Variants in INVS observed in about 807,000 individuals in gnomAD.
INVS encodes the protein inversion of embryo turning homolog.
In INVS, 86 loss-of-function variants were observed where a neutral mutation model predicts 108.8. The ratio of observed to expected loss-of-function variants is 0.79; its 90% CI spans 0.66 to 0.95. The LOEUF (loss-of-function observed/expected upper bound fraction) is 0.95. Among genes scored for constraint, INVS ranks in the 40% least tolerant of loss-of-function variants. The pLI is 0.00. For missense variants in INVS, 1,169 were observed against 1,297.4 expected (o/e 0.90, Z 1.52); for synonymous variants, 455 against 473.5 (o/e 0.96, Z 0.51).
intron 12 of INVS, among the ~76,000 whole-genome samples, chr9:100,274,359 A>G (rs1833053541): frequency 6.6e-6 from 1 of 152,134 alleles, no homozygotes; most frequent in Non-Finnish European, 1.5e-5. Context: ...CTCTGTCTAA[A>G]AAAAGAAAAA....
chr9:100,191,480 T>C (rs983873813), intron 3 of INVS, among the ~76,000 whole-genome samples: 2 of 152,234 alleles, frequency 1.3e-5, no homozygotes, highest in Non-Finnish European at 2.9e-5. Context: ...GTTAAAACTT[T>C]CCTGTGCATT....
intron 13 of INVS, among the ~76,000 whole-genome samples, chr9:100,286,188 T>C (rs1213056897): frequency 1.3e-5 from 2 of 152,208 alleles, no homozygotes; most frequent in Non-Finnish European, 2.9e-5. Context: ...TAACTCATCA[T>C]AGGTTTTCAG....
chr9:100,104,254 A>C (rs1827099887), intron 1 of INVS, among the ~76,000 whole-genome samples: 1 of 151,778 alleles, frequency 6.6e-6, no homozygotes, highest in Non-Finnish European at 1.5e-5. Context: ...ACTAAGATAG[A>C]CAGCCTCACT....
chr9:100,273,645 C>A (rs993831789), intron 12 of INVS, among the ~76,000 whole-genome samples: 2 of 146,966 alleles, frequency 1.4e-5, no homozygotes, highest in Non-Finnish European at 3.0e-5. Flanking sequence ...TCAAGCAATT[C>A]TCCTGCCTTG....
At chr9:100,156,477 G>A (rs554487154) in intron 3 of INVS, among the ~76,000 whole-genome samples, 28 of 151,722 alleles carry the variant, frequency 1.8e-4, no homozygotes, top group Non-Finnish European at 3.4e-4. Flanking sequence ...TGCCCAAAGT[G>A]GTCTCTAATT....
At chr9:100,150,077 C>T (rs1210899329) in intron 3 of INVS, among the ~76,000 whole-genome samples, 1 of 152,126 alleles carries the variant, frequency 6.6e-6, no homozygotes, top group East Asian at 1.9e-4. Flanking sequence ...CCTGTCAAAC[C>T]TCCAAAGAAG....
At chr9:100,278,886 G>C (rs1259399366) in intron 12 of INVS, among the ~76,000 whole-genome samples, 2 of 152,178 alleles carry the variant, frequency 1.3e-5, no homozygotes, top group Non-Finnish European at 2.9e-5. Context: ...ATTATCATTT[G>C]ACAGATTATA....
At chr9:100,107,478 C>A (rs1827215785) in intron 2 of INVS, among the ~76,000 whole-genome samples, 1 of 152,140 alleles carries the variant, frequency 6.6e-6, no homozygotes, top group Non-Finnish European at 1.5e-5. Context: ...TATCTCTTTA[C>A]CTGTCCATCC....
chr9:100,292,228 G>A, intron 13 of INVS, 98 bp from the exon 14 acceptor site: 1 of 1,084,238 alleles, frequency 9.2e-7, no homozygotes, highest in Admixed American at 1.7e-5. Flanking sequence ...CTATTATGGT[G>A]ATGATATAGG....
chr9:100,225,214 C>T (rs1019260615), intron 3 of INVS, among the ~76,000 whole-genome samples: 6 of 151,654 alleles, frequency 4.0e-5, no homozygotes, highest in African/African-American at 4.9e-5. Context: ...CCCACCACCA[C>T]GCCCGGCTAA....
chr9:100,251,831 A>G (rs1395317726), intron 8 of INVS, among the ~76,000 whole-genome samples: 1 of 152,174 alleles, frequency 6.6e-6, no homozygotes, highest in Non-Finnish European at 1.5e-5. Flanking sequence ...CATGTAACCA[A>G]TGGAAGGAAC....
chr9:100,154,325 C>T (rs964410813), intron 3 of INVS, among the ~76,000 whole-genome samples: 6 of 119,044 alleles, frequency 5.0e-5, no homozygotes, highest in African/African-American at 1.6e-4. Flanking sequence ...CCACCACAAC[C>T]GACTAATTTT....
chr9:100,163,809 A>T (rs1379970242), intron 3 of INVS, among the ~76,000 whole-genome samples: 1 of 152,248 alleles, frequency 6.6e-6, no homozygotes. Flanking sequence ...ACAGTTAGCA[A>T]GGAGGCCACT....
intron 13 of INVS, among the ~76,000 whole-genome samples, chr9:100,286,809 C>A (rs1256296238): frequency 6.6e-6 from 1 of 152,188 alleles, no homozygotes; most frequent in Admixed American, 6.5e-5. Flanking sequence ...TTCTGTTCAA[C>A]CAATATCTCC....
intron 3 of INVS, among the ~76,000 whole-genome samples, chr9:100,156,074 T>A (rs531815427): frequency 4.4e-4 from 67 of 152,170 alleles, no homozygotes; most frequent in African/African-American, 1.5e-3. Flanking sequence ...AAGTAATATA[T>A]GAAATGAGCC....
At position 100,252,968 on chromosome 9, in the gene INVS, G is replaced by A; in HGVS notation, c.1296G>A (p.Leu432=). 6.2e-7 allele frequency: 1 copy of A among 1,613,940 alleles called. No homozygotes were observed. ...ATTCTCTTCTACATTGGGCAGCACT[G>A]GGAGGAAATGCTGATGTTTGCCAGA... ...DGHSLLHWAA[L]GGNADVCQIL... Residue 432 remains leucine (L), a synonymous_variant, in exon 10 of 17, where the codon CTG becomes CTA. Coordinates refer to ENST00000262457, the MANE Select transcript of INVS (RefSeq NM_014425.5).
intron 8 of INVS, among the ~76,000 whole-genome samples, chr9:100,251,897 G>A (rs932637418): frequency 5.9e-5 from 9 of 152,258 alleles, no homozygotes; most frequent in Non-Finnish European, 8.8e-5. Context: ...TTATTGAGTG[G>A]GTTGTTGGGC....
chr9:100,300,084 G>C (rs1330714626), intron 16 of INVS, among the ~76,000 whole-genome samples: 1 of 152,064 alleles, frequency 6.6e-6, no homozygotes, highest in Non-Finnish European at 1.5e-5. Flanking sequence ...TCTGACTGTG[G>C]CATCCTATAC....
chr9:100,133,338 A>G (rs969167696), intron 3 of INVS, among the ~76,000 whole-genome samples: 3 of 146,500 alleles, frequency 2.0e-5, no homozygotes, highest in African/African-American at 7.5e-5. Context: ...CCTTTACTTT[A>G]TGTGTGTGTG....
Sources: gnomAD v4.1 joint callset for allele counts (sites outside exome capture counted in the v4.1 genomes callset) on GRCh38, gnomAD v4.1.1 for gene constraint, MANE v1.5 for transcripts, NCBI Gene and HGNC (gene_info 2026-07-23, HGNC 2026-07-21) for gene names.